Variants in ASAP2 observed in about 807,000 individuals in gnomAD.
ASAP2 encodes the protein ArfGAP with SH3 domain, ankyrin repeat and PH domain 2.
A neutral mutation model predicts 131.4 loss-of-function variants in ASAP2; 45 were observed. That is an observed-to-expected ratio of 0.34 (90% confidence interval 0.27 to 0.44). The LOEUF is 0.44. Among genes scored for constraint, ASAP2 ranks in the 20% least tolerant of loss-of-function variants. ASAP2 has a pLI of 1.00. For missense variants in ASAP2, 1,011 were observed against 1,297.0 expected, an observed-to-expected ratio of 0.78 and a Z score of 3.39; for synonymous variants, 510 against 503.0, an observed-to-expected ratio of 1.01 and a Z score of -0.19.
At chr2:9,388,627 C>T (rs1425262389) in intron 22 of ASAP2, 81 bp downstream of exon 22, 1 of 1,533,444 alleles carries the variant, frequency 6.5e-7, no homozygotes, top group Non-Finnish European at 8.7e-7. Flanking sequence ...GCCCTGCCTC[C>T]AACTCAGTGA....
intron 20 of ASAP2, 149 bp downstream of exon 20, chr2:9,380,957 G>A (rs998497295): frequency 1.1e-4 from 102 of 903,012 alleles, no homozygotes; most frequent in Non-Finnish European, 1.6e-4. Context: ...AGCCTGCCTT[G>A]GAGAAGGTAT....
intron 7 of ASAP2, among the ~76,000 whole-genome samples, chr2:9,329,915 CT>C (rs1334058645): frequency 6.6e-6 from 1 of 152,144 alleles, no homozygotes; most frequent in Non-Finnish European, 1.5e-5. Flanking sequence ...TTTGGAATTC[CT>C]TTTCTTCCTC....
At position 9,348,172 on chromosome 2, in the gene ASAP2, T is replaced by C. The variant is rs189001398; in HGVS notation, c.1024-2636T>C. ...TTTTTGAGACGGAGTCTCGCTGTGTTGCCCAGGCTGGATGGCTCACTGTGA... is the reference window on the plus strand; with the variant it reads ...TTTTTGAGACGGAGTCTCGCTGTGTCGCCCAGGCTGGATGGCTCACTGTGA... On this transcript the variant is annotated intron_variant, in intron 11 of 27. Transcript: ENST00000281419. Among the ~76,000 whole-genome samples, 372 of 152,304 alleles carry C rather than the reference T, an allele frequency of 2.4e-3. 1 individual carries two copies. The highest frequency in any genetic ancestry group is 3.4e-3 in the Non-Finnish European group (228 of 68,022).
At chr2:9,391,300 A>C (rs1675702187) in intron 23 of ASAP2, 104 bp downstream of exon 23, 2 of 1,468,096 alleles carry the variant, frequency 1.4e-6, no homozygotes, top group African/African-American at 1.4e-5. Flanking sequence ...ACACGTGCCA[A>C]GTGCCCCGTG....
intron 18 of ASAP2, 135 bp from the exon 19 acceptor site, chr2:9,378,809 G>A (rs763465038): frequency 3.6e-5 from 19 of 522,668 alleles, no homozygotes; most frequent in African/African-American, 1.4e-4. Flanking sequence ...CCACCTTGGC[G>A]ATGATTTACA....
intron 25 of ASAP2, 103 bp downstream of exon 25, chr2:9,400,175 G>A (rs971169191): frequency 8.8e-7 from 1 of 1,135,626 alleles, no homozygotes; most frequent in African/African-American, 2.2e-5. Flanking sequence ...GGGCCCAGCT[G>A]TCTGCCATTC....
chr2:9,327,733 A>G (rs1670570954), intron 6 of ASAP2, 93 bp from the exon 7 acceptor site: 3 of 886,508 alleles, frequency 3.4e-6, no homozygotes, highest in Non-Finnish European at 5.2e-6. Context: ...AAAGATGCCA[A>G]AGAAGTAGAA....
chr2:9,318,375 G>A (rs1238833258), intron 3 of ASAP2, 149 bp from the exon 4 acceptor site: 5 of 626,770 alleles, frequency 8.0e-6, no homozygotes, highest in African/African-American at 1.9e-5. Flanking sequence ...TACAAAGAAT[G>A]TATGACTGAA....
intron 11 of ASAP2, among the ~76,000 whole-genome samples, chr2:9,348,885 A>C (rs911756915): frequency 4.6e-5 from 7 of 152,172 alleles, no homozygotes; most frequent in Admixed American, 3.3e-4. Flanking sequence ...AGATAAGTCC[A>C]GGCAAGCAAC....
intron 1 of ASAP2, among the ~76,000 whole-genome samples, chr2:9,240,294 C>T (rs1190990323): frequency 6.7e-6 from 1 of 149,636 alleles, no homozygotes; most frequent in African/African-American, 2.5e-5. Flanking sequence ...CACTCTGTCA[C>T]CCAGGCTGGA....
At chr2:9,262,247 T>G (rs1665622755) in intron 1 of ASAP2, among the ~76,000 whole-genome samples, 1 of 152,200 alleles carries the variant, frequency 6.6e-6, no homozygotes, top group Non-Finnish European at 1.5e-5. Flanking sequence ...CTTAGAGATT[T>G]TTTTCTCATT....
chr2:9,367,634 G>C (rs2148687899), intron 15 of ASAP2, among the ~76,000 whole-genome samples: 1 of 152,098 alleles, frequency 6.6e-6, no homozygotes, highest in East Asian at 2.0e-4. Flanking sequence ...GGTGGCGTGT[G>C]CCTATAGTCC....
At chr2:9,332,646 C>T (rs572065038) in intron 7 of ASAP2, among the ~76,000 whole-genome samples, 4 of 152,160 alleles carry the variant, frequency 2.6e-5, no homozygotes, top group Non-Finnish European at 5.9e-5. Context: ...ATTGCCAGGT[C>T]GCAAAGATTC....
chr2:9,320,231 T>G, intron 4 of ASAP2, 57 bp from the exon 5 acceptor site: 1 of 1,446,472 alleles, frequency 6.9e-7, no homozygotes, highest in South Asian at 1.2e-5. Flanking sequence ...TAAGTAAGTT[T>G]ATCTTGCACA....
intron 3 of ASAP2, among the ~76,000 whole-genome samples, chr2:9,298,372 A>C (rs1668278608): frequency 6.6e-6 from 1 of 152,196 alleles, no homozygotes; most frequent in Non-Finnish European, 1.5e-5. Context: ...GTGAGTTCCT[A>C]ATGGGAAGGG....
chr2:9,380,478 G>A (rs1485090079), intron 19 of ASAP2, among the ~76,000 whole-genome samples: 4 of 152,200 alleles, frequency 2.6e-5, no homozygotes, highest in South Asian at 4.1e-4. Flanking sequence ...GATTACAGGC[G>A]TGAGCCACTG....
At chr2:9,276,728 CAG>C (rs965661309) in intron 1 of ASAP2, among the ~76,000 whole-genome samples, 1 of 152,096 alleles carries the variant, frequency 6.6e-6, no homozygotes, top group African/African-American at 2.4e-5. Flanking sequence ...TTAGTAGAGA[CAG>C]GGTTTCACCA....
At position 9,326,339 on chromosome 2, in the gene ASAP2, C is replaced by T. The variant is rs1670474622; in HGVS notation, c.601-1487C>T. 2.0e-5 allele frequency among the ~76,000 whole-genome samples: 3 copies of T among 152,090 alleles called. No individual in the cohort carries two copies. The South Asian group carries it at 6.2e-4, about 32-fold the overall frequency. On this transcript the variant is annotated intron_variant, in intron 6 of 27. Coordinates refer to ENST00000281419, the MANE Select transcript of ASAP2 (RefSeq NM_003887.3). ...TTTAGGTGTTTAAAATTTGAGTTGC[C>T]CAGGATCTAATCCAGAAGAGTGGCT...
intron 1 of ASAP2, among the ~76,000 whole-genome samples, chr2:9,239,684 GT>G (rs1023235897): frequency 6.6e-6 from 1 of 152,002 alleles, no homozygotes; most frequent in African/African-American, 2.4e-5. Flanking sequence ...CAAAACCATT[GT>G]TTTTTGTTGT....
Sources: gnomAD v4.1 joint callset for allele counts (sites outside exome capture counted in the v4.1 genomes callset) on GRCh38, gnomAD v4.1.1 for gene constraint, MANE v1.5 for transcripts, NCBI Gene and HGNC (gene_info 2026-07-23, HGNC 2026-07-21) for gene names.